C1QTNF1: variants seen among roughly 807,000 people sequenced by gnomAD.
C1QTNF1 encodes C1q and TNF related 1, also known as complement C1q tumor necrosis factor-related protein 1.
Under a neutral mutation model 27.8 loss-of-function variants are expected in C1QTNF1, and 22 were observed. The observed-to-expected ratio is 0.79, with a 90% confidence interval of 0.56 to 1.13. The LOEUF is 1.13. Among genes scored for constraint, C1QTNF1 ranks in the 50% most tolerant of loss-of-function variants. C1QTNF1 has a pLI of 0.00. For synonymous variants in C1QTNF1, 166 were observed against 154.3 expected (o/e 1.08, Z -0.56); for missense variants, 373 against 380.2 (o/e 0.98, Z 0.16).
Position 79,048,666 on chromosome 17 carries a change from A to C in C1QTNF1, c.*578A>C, listed in dbSNP as rs1409190047. The C allele has an allele frequency of 6.6e-6, 1 of 152,242 alleles. No individual in the cohort carries two copies. Among genetic ancestry groups the C allele is most frequent in the Non-Finnish European group, 1.5e-5 (1 of 68,082 alleles). The allele number at this position is 152,242 out of a possible 1,614,324, so 9.4% of individuals were successfully genotyped here. On this transcript the variant is annotated 3_prime_UTR_variant, in exon 4 of 4. Transcript: ENST00000579760. ...CCACGTAGGAACTTTCTTGAGGGAT[A>C]GGTGGACCCTGACATCCCTGTGGCC...
chr17:79,035,297 G>A (rs2072237953), intron 1 of C1QTNF1, among the ~76,000 whole-genome samples: 1 of 152,146 alleles, frequency 6.6e-6, no homozygotes, highest in Admixed American at 6.5e-5. Context: ...AGTGGACTCA[G>A]GGCTTCTCTT....
chr17:79,047,272 G>T, intron 3 of C1QTNF1: 1 of 369,954 alleles, frequency 2.7e-6, no homozygotes, highest in South Asian at 1.4e-4. Context: ...TTTCCAGAAG[G>T]AAAAAAAAAT....
rs184653630 is a variant in C1QTNF1, at chr17:79,047,195, C to T, written c.296-343C>T. On this transcript the variant is annotated intron_variant, in intron 3 of 3. Transcript: ENST00000579760. ...GTCGGTCTGGCCGCAGAGCCCATTG[C>T]TTTTGGACGAACCCGTATGTTCCAT... 72 of 289,100 alleles carry T rather than the reference C, an allele frequency of 2.5e-4. 1 individual carries two copies. In the East Asian group the frequency reaches 4.0e-3, roughly 16 times the overall value. 17.9% of individuals were successfully genotyped at this position (289,100 alleles called of 1,614,324 possible). A position where few individuals can be genotyped will look rare whatever the true frequency, so the allele number is the denominator to read the frequency against.
At chr17:79,044,964 C>A (rs1483120904) in intron 2 of C1QTNF1, among the ~76,000 whole-genome samples, 1 of 152,182 alleles carries the variant, frequency 6.6e-6, no homozygotes, top group East Asian at 1.9e-4. Flanking sequence ...TCAGGCCATC[C>A]CCCAGGCACG....
intron 1 of C1QTNF1, among the ~76,000 whole-genome samples, chr17:79,042,574 C>T (rs1312616609): frequency 2.0e-5 from 3 of 152,236 alleles, no homozygotes; most frequent in East Asian, 1.9e-4. Context: ...TTGCAGCCAC[C>T]TTCCTACCCA....
upstream of C1QTNF1, chr17:79,023,942 C>CG (rs907021836): frequency 1.3e-5 from 2 of 152,330 alleles, no homozygotes; most frequent in Non-Finnish European, 2.9e-5. Context: ...CCCCATCCTG[C>CG]GGGGGGCATT....
At chr17:79,032,028 G>C (rs544389452) in intron 1 of C1QTNF1, among the ~76,000 whole-genome samples, 2 of 152,200 alleles carry the variant, frequency 1.3e-5, no homozygotes, top group Non-Finnish European at 2.9e-5. Context: ...ATTGATTGAA[G>C]GTGAGGAGAG....
At chr17:79,037,805 G>C (rs1012196965) in intron 1 of C1QTNF1, among the ~76,000 whole-genome samples, 1 of 151,912 alleles carries the variant, frequency 6.6e-6, no homozygotes, top group South Asian at 2.1e-4. Flanking sequence ...AGCAGCTGCT[G>C]GGACTACAGG....
chr17:79,028,972 G>T (rs138819826), intron 1 of C1QTNF1, among the ~76,000 whole-genome samples: 69 of 152,192 alleles, frequency 4.5e-4, no homozygotes, highest in African/African-American at 1.4e-3. Flanking sequence ...TTAAACTCCG[G>T]TGGTGTATTT....
At chr17:79,041,217 C>T (rs778636217) in intron 1 of C1QTNF1, among the ~76,000 whole-genome samples, 7 of 152,196 alleles carry the variant, frequency 4.6e-5, no homozygotes, top group East Asian at 1.9e-4. Flanking sequence ...TGGGCCCTGA[C>T]GCATGGGAGG....
chr17:79,035,767 G>A (rs1425720779), intron 1 of C1QTNF1, among the ~76,000 whole-genome samples: 2 of 152,148 alleles, frequency 1.3e-5, no homozygotes, highest in African/African-American at 4.8e-5. Flanking sequence ...ACTAGATGTG[G>A]GATAAAGTCC....
Position 79,048,119 on chromosome 17 carries a change from C to A in C1QTNF1, c.*31C>A. The A allele has an allele frequency of 6.6e-7, 1 of 1,519,142 alleles. No individual in the cohort carries two copies. Among genetic ancestry groups the A allele is most frequent in the African/African-American group, 1.4e-5 (1 of 72,610 alleles). The allele number at this position is 1,519,142 out of a possible 1,614,324, so 94.1% of individuals were successfully genotyped here. A position where few individuals can be genotyped will look rare whatever the true frequency, so the allele number is the denominator to read the frequency against. On this transcript the variant is annotated 3_prime_UTR_variant, in exon 4 of 4. Transcript: ENST00000579760. Reference sequence around the variant, plus strand: ...CGGCCACCTCCTTTCCTCTCGCCACCTTCCACCCCTGCGCTGTGCTGACCC... The same window carrying A: ...CGGCCACCTCCTTTCCTCTCGCCACATTCCACCCCTGCGCTGTGCTGACCC...
chr17:79,039,444 G>A (rs2072343746), intron 1 of C1QTNF1, among the ~76,000 whole-genome samples: 1 of 152,046 alleles, frequency 6.6e-6, no homozygotes, highest in South Asian at 2.1e-4. Context: ...GAGGTCAGGA[G>A]TAGTTCAAGA....
chr17:79,031,285 G>A (rs1458667982), intron 1 of C1QTNF1, among the ~76,000 whole-genome samples: 3 of 152,034 alleles, frequency 2.0e-5, no homozygotes, highest in South Asian at 2.1e-4. Context: ...GATTACAGGC[G>A]TGAGCCACCG....
In C1QTNF1 at chr17:79,048,163, C is replaced by T. The variant is rs143521368; in HGVS notation, c.*75C>T. ...CTGACCCCACCGCCTCTTCCCCGAT[C>T]CCTGGACTCCGACTCCCTGGCTTTG... On this transcript the variant is annotated 3_prime_UTR_variant, in exon 4 of 4. Transcript: ENST00000579760. 8.1e-4 allele frequency: 763 copies of T among 936,866 alleles called. 7 individuals carry two copies. The African/African-American group carries it at 0.013, about 15-fold the overall frequency. 58.0% of individuals were successfully genotyped at this position (936,866 alleles called of 1,614,324 possible). A position where few individuals can be genotyped will look rare whatever the true frequency, so the allele number is the denominator to read the frequency against.
intron 1 of C1QTNF1, among the ~76,000 whole-genome samples, chr17:79,030,073 C>G (rs948440093): frequency 1.3e-5 from 2 of 152,150 alleles, no homozygotes; most frequent in African/African-American, 4.8e-5. Flanking sequence ...TCTCCCCATC[C>G]TACTCTTCTA....
intron 1 of C1QTNF1, among the ~76,000 whole-genome samples, chr17:79,035,551 C>T (rs146827762): frequency 0.023 from 3,565 of 152,064 alleles, 120 homozygotes; most frequent in African/African-American, 0.081. Context: ...CTGTCTTAGC[C>T]TCCTGAGTAG....
Position 79,045,713 on chromosome 17 carries a change from G to T in C1QTNF1, c.156-842G>T, listed in dbSNP as rs181260046. 2.3e-3 allele frequency among the ~76,000 whole-genome samples: 347 copies of T among 152,304 alleles called. 5 individuals are homozygous for T. Among genetic ancestry groups the T allele is most frequent in the Non-Finnish European group, 2.1e-3 (145 of 68,030 alleles). ...TCCAGGGGCGAAGGGATGGGGACAG[G>T]GGTTTCGGTTTTGCATACATGACAT... On this transcript the variant is annotated intron_variant, in intron 2 of 3. Coordinates refer to ENST00000579760, the MANE Select transcript of C1QTNF1 (RefSeq NM_030968.5).
At chr17:79,037,106 T>G (rs1388333039) in intron 1 of C1QTNF1, among the ~76,000 whole-genome samples, 1 of 152,146 alleles carries the variant, frequency 6.6e-6, no homozygotes. Flanking sequence ...GTTTATTTAT[T>G]CACCATGCCC....
Sources: allele counts gnomAD v4.1 joint callset (sites outside exome capture counted in the v4.1 genomes callset), GRCh38; gene constraint gnomAD v4.1.1; transcripts MANE v1.5; gene names NCBI Gene and HGNC (gene_info 2026-07-23, HGNC 2026-07-21).